GULP1: variants seen among roughly 807,000 people sequenced by gnomAD.
GULP1 encodes the protein PTB domain-containing engulfment adapter protein 1.
In GULP1, 19 loss-of-function variants were observed where a neutral mutation model predicts 40.9. The ratio of observed to expected loss-of-function variants is 0.46; its 90% CI spans 0.32 to 0.68. The LOEUF (loss-of-function observed/expected upper bound fraction) is 0.68. Among genes scored for constraint, GULP1 ranks in the 30% least tolerant of loss-of-function variants. The pLI, the probability that GULP1 is intolerant of heterozygous loss-of-function variation, is 0.03. For synonymous variants in GULP1, 119 were observed against 117.6 expected, an observed-to-expected ratio of 1.01 and a Z score of -0.08; for missense variants, 312 against 362.2, an observed-to-expected ratio of 0.86 and a Z score of 1.12.
intron 11 of GULP1, 84 bp from the exon 12 acceptor site, chr2:188,593,856 A>G (rs931179338): frequency 2.3e-5 from 18 of 772,106 alleles, no homozygotes; most frequent in Middle Eastern, 5.1e-4. Context: ...GAATATTTCA[A>G]CTTTAGTGCA....
chr2:188,520,486 C>A (rs1014877036), intron 4 of GULP1, among the ~76,000 whole-genome samples: 1 of 149,320 alleles, frequency 6.7e-6, no homozygotes, highest in African/African-American at 2.5e-5. Context: ...GCCGAGGTTG[C>A]ACCACTGCAC....
intron 1 of GULP1, among the ~76,000 whole-genome samples, chr2:188,330,046 T>C (rs1435911159): frequency 2.6e-5 from 4 of 152,114 alleles, no homozygotes; most frequent in African/African-American, 9.7e-5. Flanking sequence ...GAGATACAAA[T>C]TGAGGAGTCG....
At chr2:188,387,228 C>T (rs1357014094) in intron 2 of GULP1, among the ~76,000 whole-genome samples, 1 of 151,338 alleles carries the variant, frequency 6.6e-6, no homozygotes, top group Admixed American at 6.6e-5. Flanking sequence ...AAGAGTGAGA[C>T]TCCATCTAAA....
At chr2:188,448,593 G>C (rs2058589199) in intron 2 of GULP1, among the ~76,000 whole-genome samples, 1 of 152,142 alleles carries the variant, frequency 6.6e-6, no homozygotes, top group African/African-American at 2.4e-5. Context: ...TTGGACCTAT[G>C]TATCATCATC....
At chr2:188,329,144 C>CT (rs75423691) in intron 1 of GULP1, among the ~76,000 whole-genome samples, 38,936 of 146,944 alleles carry the variant, frequency 0.26, 5,453 homozygotes, top group South Asian at 0.42. Flanking sequence ...CTATTGGACT[C>CT]TTTTTTTTTT....
chr2:188,383,914 A>C (rs1368959594), intron 2 of GULP1, 25 bp downstream of exon 2: 1 of 152,172 alleles, frequency 6.6e-6, no homozygotes, highest in Non-Finnish European at 1.5e-5. Flanking sequence ...TTGTTTATAC[A>C]TTTTCCATTA....
chr2:188,370,321 T>C (rs2047432584), intron 1 of GULP1, among the ~76,000 whole-genome samples: 1 of 152,142 alleles, frequency 6.6e-6, no homozygotes, highest in African/African-American at 2.4e-5. Context: ...AGTGCACTGG[T>C]TGGACAATCT....
At chr2:188,384,913 C>T (rs1429430189) in intron 2 of GULP1, among the ~76,000 whole-genome samples, 4 of 152,200 alleles carry the variant, frequency 2.6e-5, no homozygotes, top group Non-Finnish European at 5.9e-5. Flanking sequence ...GCAGCTGCGC[C>T]TCTGTGGCTT....
chr2:188,587,900 G>A lies in GULP1; in HGVS notation c.794G>A (p.Gly265Glu). The A allele has an allele frequency of 1.2e-6, 2 of 1,611,018 alleles. No individual in the cohort carries two copies. The highest frequency in any genetic ancestry group is 1.7e-6 in the Non-Finnish European group (2 of 1,177,308). The change falls in exon 11 of 12, where the codon GGA becomes GAA. Residue 265 changes from glycine to glutamate, a missense_variant. Coordinates refer to ENST00000409830, the MANE Select transcript of GULP1 (RefSeq NM_016315.4). ...GAACCTTTTGACCCATTTAACTGTG[G>A]AGCAGCAGATTTCCCTCCAGATATT... is the stretch of plus-strand genomic sequence containing the variant. ...GAEPFDPFNC[G>E]AADFPPDIQS...
intron 7 of GULP1, among the ~76,000 whole-genome samples, chr2:188,562,478 C>G (rs560584382): frequency 6.6e-6 from 1 of 152,040 alleles, no homozygotes; most frequent in African/African-American, 2.4e-5. Flanking sequence ...ATTATATATT[C>G]AAAATGTGAT....
At chr2:188,306,611 G>A (rs989334232) in intron 1 of GULP1, among the ~76,000 whole-genome samples, 4 of 152,150 alleles carry the variant, frequency 2.6e-5, no homozygotes, top group Non-Finnish European at 5.9e-5. Flanking sequence ...ATAGGAGACT[G>A]AAAATAGAGC....
chr2:188,539,811 C>T (rs1013757392), intron 6 of GULP1, among the ~76,000 whole-genome samples: 1 of 151,992 alleles, frequency 6.6e-6, no homozygotes, highest in Non-Finnish European at 1.5e-5. Flanking sequence ...AGTAATAGAG[C>T]AAATCTCAGC....
At chr2:188,308,014 T>C (rs1274799694) in intron 1 of GULP1, among the ~76,000 whole-genome samples, 1 of 59,620 alleles carries the variant, frequency 1.7e-5, no homozygotes, top group Non-Finnish European at 3.6e-5. Flanking sequence ...GAGTACATTA[T>C]AAACTGGGTG....
intron 4 of GULP1, among the ~76,000 whole-genome samples, chr2:188,484,769 G>T (rs1445358424): frequency 6.6e-6 from 1 of 152,164 alleles, no homozygotes; most frequent in Non-Finnish European, 1.5e-5. Flanking sequence ...CAGAGCTGTT[G>T]TTCAGCAGCG....
intron 4 of GULP1, chr2:188,491,390 A>C (rs894385916): frequency 6.6e-6 from 1 of 152,106 alleles, no homozygotes; most frequent in African/African-American, 2.4e-5. Context: ...AAAATTAGCA[A>C]ACAGGTGAGC....
At chr2:188,334,492 G>T (rs558795771) in intron 1 of GULP1, among the ~76,000 whole-genome samples, 3 of 152,198 alleles carry the variant, frequency 2.0e-5, no homozygotes, top group Non-Finnish European at 4.4e-5. Context: ...AATCTCTGGG[G>T]GTGTGGTCCA....
intron 1 of GULP1, among the ~76,000 whole-genome samples, chr2:188,375,554 A>G (rs1291752591): frequency 6.6e-6 from 1 of 152,216 alleles, no homozygotes; most frequent in Non-Finnish European, 1.5e-5. Context: ...AGTGCTTAAT[A>G]AGAACTCTTA....
At chr2:188,535,125 G>C (rs1164007636) in intron 6 of GULP1, among the ~76,000 whole-genome samples, 1 of 150,726 alleles carries the variant, frequency 6.6e-6, no homozygotes, top group East Asian at 1.9e-4. Context: ...TAAATTACTA[G>C]TTAATATTAA....
intron 1 of GULP1, among the ~76,000 whole-genome samples, chr2:188,325,891 T>C (rs2040688428): frequency 6.6e-6 from 1 of 152,196 alleles, no homozygotes; most frequent in Non-Finnish European, 1.5e-5. Context: ...TCTGAGCCTC[T>C]GAACCAATGC....
Sources: allele counts gnomAD v4.1 joint callset (sites outside exome capture counted in the v4.1 genomes callset), GRCh38; gene constraint gnomAD v4.1.1; transcripts MANE v1.5; gene names NCBI Gene and HGNC (gene_info 2026-07-23, HGNC 2026-07-21).